The following GALNT13 variants were observed in gnomAD, a reference collection of about 807,000 sequenced individuals.
GALNT13 encodes the protein polypeptide N-acetylgalactosaminyltransferase 13, also known as UDP-GalNAc:polypeptide N-acetylgalactosaminyltransferase 13.
A neutral mutation model predicts 64.2 loss-of-function variants in GALNT13; 28 were observed. That is an observed-to-expected ratio of 0.44 (90% CI 0.32 to 0.60). The LOEUF (loss-of-function observed/expected upper bound fraction) is 0.60. Among genes scored for constraint, GALNT13 ranks in the 20% least tolerant of loss-of-function variants. The pLI is 0.05. For synonymous variants in GALNT13, 214 were observed against 224.6 expected, an observed-to-expected ratio of 0.95 and a Z score of 0.42; for missense variants, 577 against 669.8, an observed-to-expected ratio of 0.86 and a Z score of 1.53.
the GALNT13 span, among the ~76,000 whole-genome samples, chr2:153,336,257 C>T: frequency 3.3e-5 from 5 of 152,106 alleles, no homozygotes; most frequent in East Asian, 5.8e-4. Flanking sequence ...AGAGGGCCAT[C>T]GTCCTCCAGA....
the GALNT13 span, among the ~76,000 whole-genome samples, chr2:153,212,934 T>G: frequency 6.6e-6 from 1 of 152,240 alleles, no homozygotes; most frequent in Non-Finnish European, 1.5e-5. Context: ...TTTTTCTGTC[T>G]GAACAAATTA....
the GALNT13 span, among the ~76,000 whole-genome samples, chr2:153,539,381 A>C: frequency 2.0e-5 from 3 of 151,842 alleles, no homozygotes. Context: ...TGCTGTGCAG[A>C]AGCTCTTTAG....
chr2:153,135,483 C>T, the GALNT13 span, among the ~76,000 whole-genome samples: 651 of 152,172 alleles, frequency 4.3e-3, 4 homozygotes, highest in African/African-American at 0.013. Context: ...AATGTAAACC[C>T]ATGTAAATTT....
At chr2:154,368,276 C>G (rs1697483972) in intron 9 of GALNT13, among the ~76,000 whole-genome samples, 1 of 152,084 alleles carries the variant, frequency 6.6e-6, no homozygotes, top group South Asian at 2.1e-4. Context: ...ATATGAGCTT[C>G]TCATGTGAGA....
At chr2:154,073,776 A>G (rs568455435) in intron 3 of GALNT13, among the ~76,000 whole-genome samples, 22 of 152,000 alleles carry the variant, frequency 1.4e-4, no homozygotes, top group Non-Finnish European at 2.2e-4. Context: ...TTGATGTAGT[A>G]TCAAAGCAGG....
At chr2:153,751,368 T>C in the GALNT13 span, among the ~76,000 whole-genome samples, 1 of 151,724 alleles carries the variant, frequency 6.6e-6, no homozygotes. Flanking sequence ...TGTTTTGTTT[T>C]TTTTTTCTCT....
chr2:154,419,406 G>A (rs1220137636), intron 11 of GALNT13, among the ~76,000 whole-genome samples: 1 of 151,988 alleles, frequency 6.6e-6, no homozygotes, highest in Non-Finnish European at 1.5e-5. Flanking sequence ...AGTATTGGCT[G>A]TTTTTTAGAT....
chr2:153,364,853 A>G, the GALNT13 span, among the ~76,000 whole-genome samples: 4 of 152,286 alleles, frequency 2.6e-5, no homozygotes, highest in Middle Eastern at 3.4e-3. Context: ...TCAAACTACC[A>G]TTGACATTCT....
the GALNT13 span, among the ~76,000 whole-genome samples, chr2:153,725,225 A>G: frequency 6.8e-6 from 1 of 147,186 alleles, no homozygotes; most frequent in Non-Finnish European, 1.5e-5. Flanking sequence ...CAAACACCGC[A>G]TATTCTCCCT....
chr2:153,825,191 T>C, the GALNT13 span, among the ~76,000 whole-genome samples: 3 of 152,184 alleles, frequency 2.0e-5, no homozygotes, highest in Non-Finnish European at 2.9e-5. Context: ...CTCACATCAG[T>C]GGGTTGAAGT....
intron 11 of GALNT13, among the ~76,000 whole-genome samples, chr2:154,416,808 C>T (rs137927454): frequency 6.2e-4 from 94 of 152,224 alleles, no homozygotes; most frequent in African/African-American, 1.8e-3. Flanking sequence ...CTCTTATTGC[C>T]ATGCTACTCT....
the GALNT13 span, among the ~76,000 whole-genome samples, chr2:153,737,592 A>G: frequency 1.3e-5 from 2 of 152,106 alleles, no homozygotes; most frequent in African/African-American, 2.4e-5. Context: ...AACTTAGGAA[A>G]TGTATCAAAG....
chr2:154,408,940 T>C, intron 10 of GALNT13, 44 bp from the exon 11 acceptor site: 1 of 1,177,452 alleles, frequency 8.5e-7, no homozygotes. Flanking sequence ...TAAATAACTG[T>C]CTGATTTATG....
chr2:154,007,716 A>G (rs1457577336), intron 3 of GALNT13, among the ~76,000 whole-genome samples: 3 of 151,958 alleles, frequency 2.0e-5, no homozygotes, highest in Non-Finnish European at 2.9e-5. Flanking sequence ...GAATGCTAAC[A>G]TTTTGTTTAT....
the GALNT13 span, among the ~76,000 whole-genome samples, chr2:153,716,733 C>A: frequency 6.9e-6 from 1 of 144,768 alleles, no homozygotes; most frequent in Non-Finnish European, 1.6e-5. Context: ...CTTAACACTA[C>A]AAAATAACTA....
rs1344291622 is a variant in GALNT13 at position 154,122,523 on chromosome 2, G to A, written c.143-17814G>A. On this transcript the variant is annotated intron_variant, in intron 3 of 12. Coordinates refer to ENST00000392825, the MANE Select transcript of GALNT13 (RefSeq NM_052917.4). ...TGGTATTCTTTTTTCTTAACTATTT[G>A]GTAGAATTCACCAATGAAACTACTG... is the stretch of plus-strand genomic sequence containing the variant. Among the ~76,000 whole-genome samples, 7 of 151,976 alleles carry A rather than the reference G, an allele frequency of 4.6e-5. No individual in the cohort carries two copies. In the South Asian group the frequency reaches 6.2e-4, roughly 14 times the overall value.
At chr2:153,449,119 G>T in the GALNT13 span, among the ~76,000 whole-genome samples, 1 of 152,100 alleles carries the variant, frequency 6.6e-6, no homozygotes, top group Non-Finnish European at 1.5e-5. Context: ...GGAGAAGGTG[G>T]CTGTCTACAA....
At chr2:153,413,621 C>T in the GALNT13 span, among the ~76,000 whole-genome samples, 1 of 152,032 alleles carries the variant, frequency 6.6e-6, no homozygotes, top group Non-Finnish European at 1.5e-5. Flanking sequence ...CTATTGAGTC[C>T]ATGTAAAATA....
chr2:154,335,266 G>C (rs1329475065), intron 9 of GALNT13, among the ~76,000 whole-genome samples: 1 of 151,836 alleles, frequency 6.6e-6, no homozygotes, highest in Admixed American at 6.6e-5. Context: ...ACAGCAAAAG[G>C]CATTATTAAT....
Sources: allele counts gnomAD v4.1 joint callset (sites outside exome capture counted in the v4.1 genomes callset), GRCh38; gene constraint gnomAD v4.1.1; transcripts MANE v1.5; gene names NCBI Gene and HGNC (gene_info 2026-07-23, HGNC 2026-07-21).